ALG12: variants seen among roughly 807,000 people sequenced by gnomAD.
The protein encoded by ALG12 is dol-P-Man:Man(7)GlcNAc(2)-PP-Dol alpha-1,6-mannosyltransferase.
In ALG12, 36 loss-of-function variants were observed where a neutral mutation model predicts 46.0. That is an observed-to-expected ratio of 0.78 (90% CI 0.60 to 1.03). ALG12 has a LOEUF of 1.03. ALG12 is among the 50% of genes least tolerant of loss of function. The pLI, the probability that ALG12 is intolerant of heterozygous loss-of-function variation, is 0.00. For synonymous variants in ALG12, 326 were observed against 291.6 expected, an observed-to-expected ratio of 1.12 and a Z score of -1.20; for missense variants, 599 against 633.5, an observed-to-expected ratio of 0.95 and a Z score of 0.58.
chr22:49,913,439 C>T lies in ALG12; in HGVS notation c.241G>A (p.Ala81Thr), dbSNP rs770434145. 3.3e-5 allele frequency: 54 copies of T among 1,613,882 alleles called. No individual in the cohort carries two copies. The highest frequency in any genetic ancestry group is 1.5e-4 in the Admixed American group (9 of 60,012). Reference protein sequence around the residue: ...PVVIAVFSSPAVYVLSLLEMS... With the variant: ...PVVIAVFSSPTVYVLSLLEMS... ...TCTAACAGCGAAAGCACGTAAACCGCGGGGCTGGAGAACACTGCGATCACC... is the reference window on the plus strand; with the variant it reads ...TCTAACAGCGAAAGCACGTAAACCGTGGGGCTGGAGAACACTGCGATCACC... The change falls in exon 3 of 10, where the codon GCG (alanine) becomes ACG (threonine). Residue 81 changes from alanine (A) to threonine (T), a missense_variant. Transcript: ENST00000330817.
At chr22:49,888,316 C>T in the ALG12 span, 1 of 166,910 alleles carries the variant, frequency 6.0e-6, no homozygotes, top group South Asian at 2.1e-4. Context: ...TGCCTACGAC[C>T]TTTTAGAAAA....
At chr22:49,883,994 A>G in the ALG12 span, 4 of 1,612,974 alleles carry the variant, frequency 2.5e-6, no homozygotes, top group Non-Finnish European at 3.4e-6. Context: ...TCCAGCCGGA[A>G]CATGAGCTCC....
At chr22:49,886,071 G>A in the ALG12 span, 2 of 680,818 alleles carry the variant, frequency 2.9e-6, no homozygotes, top group Non-Finnish European at 2.7e-6. This position sits in a 1 kb window ranked among gnomAD's most constrained non-coding sequence, Gnocchi z 7.7. Flanking sequence ...GCCTTCAGGT[G>A]GGCATCACCG....
chr22:49,878,612 A>G, the ALG12 span, among the ~76,000 whole-genome samples: 5 of 152,264 alleles, frequency 3.3e-5, no homozygotes, highest in Admixed American at 3.3e-4. Context: ...AACTTCTAAA[A>G]GACAACACAG....
chr22:49,898,551 G>A (rs1223629575), downstream of ALG12, among the ~76,000 whole-genome samples: 3 of 151,740 alleles, frequency 2.0e-5, no homozygotes, highest in East Asian at 5.8e-4. Context: ...CACCATGCCC[G>A]GCTAATTTTT....
At chr22:49,883,796 AG>A in the ALG12 span, 2 of 1,613,382 alleles carry the variant, frequency 1.2e-6, no homozygotes, top group African/African-American at 1.3e-5. Context: ...TTTAAAAGCG[AG>A]CAGGAGGACA....
the ALG12 span, chr22:49,884,813 C>T: frequency 6.2e-7 from 1 of 1,610,750 alleles, no homozygotes; most frequent in Non-Finnish European, 8.5e-7. Flanking sequence ...AGAGAGTCCC[C>T]TTCGGCCTCC....
At chr22:49,907,611 C>T in intron 7 of ALG12, 110 bp downstream of exon 7, 3 of 1,261,578 alleles carry the variant, frequency 2.4e-6, no homozygotes, top group Non-Finnish European at 3.3e-6. Flanking sequence ...GGCGACAGAG[C>T]AAGACCCTGT....
At chr22:49,885,119 G>C in the ALG12 span, 3 of 1,614,178 alleles carry the variant, frequency 1.9e-6, no homozygotes, top group Non-Finnish European at 2.5e-6. Flanking sequence ...GCCATCAGCC[G>C]GGGGAAGAAG....
the ALG12 span, chr22:49,885,862 A>C: frequency 2.2e-6 from 3 of 1,393,294 alleles, no homozygotes; most frequent in Non-Finnish European, 3.1e-6. Context: ...CACGTCTGGA[A>C]TATGGATGAG....
rs1034582398 is a variant in ALG12 at position 49,901,426 on chromosome 22, A to G, written c.*2412T>C. ...CCACAAGCTCTCAAAGAGCACAGGA[A>G]GAAATCATGTCTTTATGCACACGTG... is the stretch of plus-strand genomic sequence containing the variant. On this transcript the variant is annotated 3_prime_UTR_variant, in exon 10 of 10. Coordinates refer to ENST00000330817, the MANE Select transcript of ALG12 (RefSeq NM_024105.4). 3.3e-5 allele frequency: 5 copies of G among 152,280 alleles called. No individual in the cohort carries two copies. The highest frequency in any genetic ancestry group is 1.2e-4 in the African/African-American group (5 of 41,434). 9.4% of individuals were successfully genotyped at this position (152,280 alleles called of 1,614,324 possible).
In ALG12 at chr22:49,910,488, G is replaced by A. The variant is rs200490756; in HGVS notation, c.415C>T (p.His139Tyr). The stretch of plus-strand genomic sequence containing the variant: ...GTCCGCGTGCAGTAGAACATCAGGT[G>A]GAACTGCATGGCCGTCACCCAGCAG... ...MFCWVTAMQF[H>Y]LMFYCTRTLP... is the part of the protein sequence containing the mutation. The change falls in exon 4 of 10, where the codon CAC (histidine) becomes TAC (tyrosine). Residue 139 changes from histidine to tyrosine, a missense_variant. Coordinates refer to ENST00000330817, the MANE Select transcript of ALG12 (RefSeq NM_024105.4). 7 of 1,613,952 alleles carry A rather than the reference G, an allele frequency of 4.3e-6. No individual in the cohort carries two copies. In the Admixed American group the frequency reaches 5.0e-5, roughly 12 times the overall value.
the ALG12 span, among the ~76,000 whole-genome samples, chr22:49,895,047 TGGAG>T: frequency 6.6e-6 from 1 of 152,210 alleles, no homozygotes; most frequent in Non-Finnish European, 1.5e-5. Context: ...GACAGGCTGA[TGGAG>T]GGAGAGGGGA....
At chr22:49,884,583 T>G in the ALG12 span, 2 of 1,612,736 alleles carry the variant, frequency 1.2e-6, no homozygotes, top group Non-Finnish European at 1.7e-6. Flanking sequence ...CTGTCTGCAT[T>G]CACTGCATGA....
At position 49,903,893 on chromosome 22, in the gene ALG12, T is replaced by C. The variant is rs934596651; in HGVS notation, c.1412A>G (p.Asn471Ser). ...CACCAGCTTTGTCTGCAGGTGGACG[T>C]TGAAGGGGGGCAGTTGGGTCAGGTT... ...SLNLTQLPPF[N>S]VHLQTKLVLL... The change falls in exon 10 of 10, where the codon AAC (asparagine) becomes AGC (serine). Residue 471 changes from asparagine (N) to serine (S), a missense_variant. By Grantham distance (46) the Asn-to-Ser change is conservative (BLOSUM62 1). Transcript: ENST00000330817. 1 of 1,614,108 alleles carries C rather than the reference T, an allele frequency of 6.2e-7. No individual in the cohort carries two copies. The highest frequency in any genetic ancestry group is 1.3e-5 in the African/African-American group (1 of 75,016).
Position 49,903,841 on chromosome 22 carries a change from G to A in ALG12, c.1464C>T (p.Ser488=). The change falls in exon 10 of 10, where the codon TCC becomes TCT. Residue 488 remains serine (S), a synonymous_variant. Transcript: ENST00000330817. ...GCTGAGGGCTGCCTGGTCCCCCTCA[G>A]GACGGCCGGGGGAGCCTCTCCAGAA... ...LVLLERLPRP[S] 1 of 1,614,190 alleles carries A rather than the reference G, an allele frequency of 6.2e-7. No individual in the cohort carries two copies. The highest frequency in any genetic ancestry group is 1.3e-5 in the African/African-American group (1 of 75,074).
At chr22:49,875,575 C>A in the ALG12 span, among the ~76,000 whole-genome samples, 7 of 151,902 alleles carry the variant, frequency 4.6e-5, no homozygotes, top group African/African-American at 1.7e-4. Flanking sequence ...TGCGCACCAC[C>A]ACGCCCGGCT....
At chr22:49,910,179 T>C in intron 4 of ALG12, 91 bp from the exon 5 acceptor site, 3 of 1,411,292 alleles carry the variant, frequency 2.1e-6, no homozygotes, top group South Asian at 2.6e-5. Context: ...TTCCTTTTCC[T>C]ATTATAAAAG....
chr22:49,906,582 G>A lies in ALG12; in HGVS notation c.992+1139C>T, dbSNP rs935837111. On this transcript the variant is annotated intron_variant, in intron 7 of 9. Coordinates refer to ENST00000330817, the MANE Select transcript of ALG12 (RefSeq NM_024105.4). The surrounding 1 kb of genome is among the most constrained non-coding windows in gnomAD (Gnocchi z 4.4). ...CCCCTCCCCTGTAACAAGTGGCACC[G>A]GAAAGCACCTGACCGCTGCCTGAGA... 2.0e-5 allele frequency among the ~76,000 whole-genome samples: 3 copies of A among 152,164 alleles called. No homozygotes were observed. The highest frequency in any genetic ancestry group is 3.8e-4 in the East Asian group (2 of 5,196).
Sources: gnomAD v4.1 joint callset for allele counts (sites outside exome capture counted in the v4.1 genomes callset) on GRCh38, gnomAD v4.1.1 for gene constraint, Gnocchi (gnomAD v3.1) non-coding constraint, MANE v1.5 for transcripts, NCBI Gene and HGNC (gene_info 2026-07-23, HGNC 2026-07-21) for gene names.